KAZN: variants seen among roughly 807,000 people sequenced by gnomAD.
KAZN encodes kazrin.
A neutral mutation model predicts 87.4 loss-of-function variants in KAZN; 40 were observed. That is an observed-to-expected ratio of 0.46 (90% CI 0.36 to 0.60). The LOEUF (loss-of-function observed/expected upper bound fraction) is 0.60, where lower values mean the gene tolerates loss of function less well. KAZN is among the 20% of genes least tolerant of loss of function. The pLI, the probability that KAZN is intolerant of heterozygous loss-of-function variation, is 0.00. For missense variants in KAZN, 898 were observed against 1,073.9 expected (o/e 0.84, Z 2.29); for synonymous variants, 466 against 458.3 (o/e 1.02, Z -0.22).
intron 1 of KAZN, among the ~76,000 whole-genome samples, chr1:14,117,548 C>T (rs1449837091): frequency 6.6e-6 from 1 of 152,072 alleles, no homozygotes; most frequent in Non-Finnish European, 1.5e-5. Context: ...TAATACACCT[C>T]CCAAAGGCCC....
intron 1 of KAZN, among the ~76,000 whole-genome samples, chr1:14,906,295 G>T (rs756307768): frequency 6.6e-6 from 1 of 152,120 alleles, no homozygotes; most frequent in Non-Finnish European, 1.5e-5. Context: ...AGTCCACATG[G>T]TTGCCCTCAA....
intron 1 of KAZN, among the ~76,000 whole-genome samples, chr1:13,942,472 G>A (rs1172540665): frequency 3.4e-5 from 5 of 146,642 alleles, no homozygotes; most frequent in East Asian, 2.0e-4. Flanking sequence ...CCCGGGAAGC[G>A]GAGCTTGCAG....
At chr1:14,380,511 A>C (rs1661277450) in intron 2 of KAZN, among the ~76,000 whole-genome samples, 1 of 152,226 alleles carries the variant, frequency 6.6e-6, no homozygotes, top group African/African-American at 2.4e-5. Flanking sequence ...AATTTAACAA[A>C]GAGGTTGAAA....
At chr1:14,951,770 C>G (rs1662513020) in intron 1 of KAZN, among the ~76,000 whole-genome samples, 1 of 152,160 alleles carries the variant, frequency 6.6e-6, no homozygotes, top group Admixed American at 6.5e-5. Context: ...AGCCACCATA[C>G]CCATCTGTGT....
intron 4 of KAZN, among the ~76,000 whole-genome samples, chr1:15,045,556 G>A (rs1319111375): frequency 1.3e-5 from 2 of 152,206 alleles, no homozygotes; most frequent in Non-Finnish European, 2.9e-5. Context: ...AACAGTCAGC[G>A]AGCACATCTT....
chr1:15,112,158 T>C (rs995693161), intron 13 of KAZN: 6 of 515,466 alleles, frequency 1.2e-5, no homozygotes, highest in Non-Finnish European at 2.1e-5. Flanking sequence ...CTAACAGCTG[T>C]GTCGTCTTGG....
intron 1 of KAZN, among the ~76,000 whole-genome samples, chr1:14,785,287 TG>T (rs1238329182): frequency 1.3e-5 from 2 of 152,280 alleles, no homozygotes; most frequent in African/African-American, 4.8e-5. Flanking sequence ...AACCTTCCCT[TG>T]GGAACTTTGT....
chr1:14,489,509 G>A (rs998625233), intron 2 of KAZN, among the ~76,000 whole-genome samples: 6 of 151,974 alleles, frequency 3.9e-5, no homozygotes, highest in East Asian at 1.9e-4. Flanking sequence ...CAAGGCAGGC[G>A]GATCACTTGA....
intron 1 of KAZN, among the ~76,000 whole-genome samples, chr1:13,935,426 C>T (rs1466640468): frequency 6.6e-6 from 1 of 152,086 alleles, no homozygotes; most frequent in East Asian, 1.9e-4. Context: ...GGATTCAAAC[C>T]CACTCAATCT....
intron 2 of KAZN, among the ~76,000 whole-genome samples, chr1:14,511,213 T>C (rs1670887193): frequency 6.6e-6 from 1 of 152,186 alleles, no homozygotes; most frequent in Non-Finnish European, 1.5e-5. Flanking sequence ...TCTAGATGTT[T>C]CCATTTGTCA....
intron 2 of KAZN, among the ~76,000 whole-genome samples, chr1:14,235,195 C>T (rs189921802): frequency 6.6e-6 from 1 of 151,852 alleles, no homozygotes; most frequent in African/African-American, 2.4e-5. Flanking sequence ...AAATATTATT[C>T]ATCCATAAAC....
intron 2 of KAZN, among the ~76,000 whole-genome samples, chr1:14,437,695 G>C (rs1010603957): frequency 6.6e-6 from 1 of 152,180 alleles, no homozygotes; most frequent in African/African-American, 2.4e-5. Context: ...CAGCCCGTGG[G>C]TCGGACATGA....
chr1:14,684,371 G>A (rs1336457824), intron 1 of KAZN, among the ~76,000 whole-genome samples: 1 of 152,140 alleles, frequency 6.6e-6, no homozygotes, highest in African/African-American at 2.4e-5. Flanking sequence ...ATTTCACCCT[G>A]AATGCCGTTT....
chr1:15,050,215 G>GAATAA (rs1553180900), intron 4 of KAZN, among the ~76,000 whole-genome samples: 582 of 150,394 alleles, frequency 3.9e-3, no homozygotes, highest in Non-Finnish European at 6.5e-3. Flanking sequence ...GAATAGAATA[G>GAATAA]AATAGAACCT....
intron 2 of KAZN, among the ~76,000 whole-genome samples, chr1:14,984,986 A>G (rs1005615447): frequency 6.6e-6 from 1 of 152,106 alleles, no homozygotes; most frequent in South Asian, 2.1e-4. Context: ...AAATACAAAA[A>G]TTAGCCAGGC....
chr1:14,752,827 A>G (rs569017532), intron 1 of KAZN, among the ~76,000 whole-genome samples: 4 of 152,240 alleles, frequency 2.6e-5, no homozygotes, highest in South Asian at 4.2e-4. Context: ...TTTTTCCACC[A>G]CCACACCACT....
chr1:14,929,858 G>A, intron 1 of KAZN: 1 of 985,478 alleles, frequency 1.0e-6, no homozygotes, highest in Non-Finnish European at 1.2e-6. Flanking sequence ...TCTCCCTTGT[G>A]GCGGCTTCTA....
intron 1 of KAZN, among the ~76,000 whole-genome samples, chr1:14,606,682 T>G (rs1412950173): frequency 2.0e-5 from 3 of 152,140 alleles, no homozygotes; most frequent in Non-Finnish European, 4.4e-5. Flanking sequence ...ACAGAGGACT[T>G]ATTAACCTCA....
chr1:15,080,160 T>C (rs938431528), intron 8 of KAZN, among the ~76,000 whole-genome samples: 2 of 152,170 alleles, frequency 1.3e-5, no homozygotes, highest in Non-Finnish European at 2.9e-5. Context: ...GAAGGGTGGC[T>C]GGTCATGGGA....
Sources: allele counts gnomAD v4.1 joint callset (sites outside exome capture counted in the v4.1 genomes callset), GRCh38; gene constraint gnomAD v4.1.1; transcripts MANE v1.5; gene names NCBI Gene and HGNC (gene_info 2026-07-23, HGNC 2026-07-21).